The following PRKCH variants were observed in gnomAD, a reference collection of about 807,000 sequenced individuals.
The protein encoded by PRKCH is protein kinase C eta, also known as protein kinase C eta type.
Under a neutral mutation model 82.5 loss-of-function variants are expected in PRKCH, and 28 were observed. The ratio of observed to expected loss-of-function variants is 0.34; its 90% CI spans 0.25 to 0.47. PRKCH has a LOEUF of 0.47. Among genes scored for constraint, PRKCH ranks in the 20% least tolerant of loss-of-function variants. The probability of loss-of-function intolerance (pLI) is 1.00; values close to 1 mark genes in which losing one functional copy is unlikely to be tolerated. For missense variants in PRKCH, 705 were observed against 881.8 expected, an observed-to-expected ratio of 0.80 and a Z score of 2.54; for synonymous variants, 322 against 327.4, an observed-to-expected ratio of 0.98 and a Z score of 0.18.
intron 1 of PRKCH, among the ~76,000 whole-genome samples, chr14:61,352,247 T>G (rs2046086095): frequency 6.6e-6 from 1 of 152,192 alleles, no homozygotes; most frequent in Non-Finnish European, 1.5e-5. Flanking sequence ...TTTCTGTAGG[T>G]CTGCTTTTTG....
chr14:61,281,030 A>C, intron 1 of PRKCH: 1 of 1,532,668 alleles, frequency 6.5e-7, no homozygotes, highest in South Asian at 1.2e-5. Context: ...CCCGCGCAGA[A>C]GAAGAGCGGC....
chr14:61,293,576 AAC>A (rs1399243425), intron 1 of PRKCH, among the ~76,000 whole-genome samples: 1 of 152,260 alleles, frequency 6.6e-6, no homozygotes, highest in Non-Finnish European at 1.5e-5. Context: ...CAGTTCTCAG[AAC>A]ACCTGAAGAT....
intron 1 of PRKCH, among the ~76,000 whole-genome samples, chr14:61,268,093 A>G (rs988146105): frequency 6.6e-6 from 1 of 152,176 alleles, no homozygotes; most frequent in Non-Finnish European, 1.5e-5. Flanking sequence ...TTCAATGTCT[A>G]TGTTATTGTA....
intron 13 of PRKCH, among the ~76,000 whole-genome samples, chr14:61,548,252 TTTTTGTGCC>T (rs141269629): frequency 0.017 from 2,578 of 152,346 alleles, 69 homozygotes; most frequent in African/African-American, 0.058. Context: ...CTTGGGGCAC[TTTTTGTGCC>T]TTTTCTAAGC....
intron 1 of PRKCH, among the ~76,000 whole-genome samples, chr14:61,287,065 GTGTGGTGGCATGCACC>G (rs1389960916): frequency 6.6e-6 from 1 of 151,274 alleles, no homozygotes; most frequent in Non-Finnish European, 1.5e-5. Flanking sequence ...AATTAGCCAG[GTGTGGTGGCATGCACC>G]TGTGATCCCA....
At chr14:61,200,190 G>C (rs531458922) in intron 1 of PRKCH, among the ~76,000 whole-genome samples, 1 of 152,272 alleles carries the variant, frequency 6.6e-6, no homozygotes, top group East Asian at 1.9e-4. Context: ...GATGAAGAGA[G>C]AGGGAGAGAA....
chr14:61,189,616 T>C (rs973642182), intron 1 of PRKCH, among the ~76,000 whole-genome samples: 2 of 151,898 alleles, frequency 1.3e-5, no homozygotes, highest in Non-Finnish European at 2.9e-5. Context: ...CTTCCCTTCC[T>C]TTCTTCCTCC....
intron 10 of PRKCH, among the ~76,000 whole-genome samples, chr14:61,502,381 G>C (rs1318360848): frequency 1.3e-5 from 2 of 152,042 alleles, no homozygotes; most frequent in Non-Finnish European, 2.9e-5. Context: ...TTTATCAGAA[G>C]GGTCTATGGG....
chr14:61,499,638 A>G (rs2139947423), intron 10 of PRKCH, among the ~76,000 whole-genome samples: 1 of 152,196 alleles, frequency 6.6e-6, no homozygotes, highest in Non-Finnish European at 1.5e-5. Context: ...CCGCTGACAA[A>G]ATTCTAGAAT....
At chr14:61,231,895 A>G (rs1054559513) in intron 1 of PRKCH, among the ~76,000 whole-genome samples, 2 of 152,120 alleles carry the variant, frequency 1.3e-5, no homozygotes, top group African/African-American at 2.4e-5. Flanking sequence ...CAACACTGCT[A>G]ACACCAGCTG....
At position 61,457,545 on chromosome 14, in the gene PRKCH, G is replaced by A; in HGVS notation, c.1144G>A (p.Ala382Thr). The A allele has an allele frequency of 6.2e-7, 1 of 1,614,156 alleles. No homozygotes were observed. Among genetic ancestry groups the A allele is most frequent in the Non-Finnish European group, 8.5e-7 (1 of 1,180,024 alleles). Residue 382 changes from alanine (A) to threonine (T), a missense_variant, in exon 9 of 14, where the codon GCT becomes ACT. By Grantham distance (58) the Ala-to-Thr change is moderately conservative. Transcript: ENST00000332981. ...AGTAAAAGAAACAGGAGACCTCTAT[G>A]CTGTGAAGGTGCTGAAGAAGGACGT... ...ARVKETGDLYAVKVLKKDVIL... is the reference protein window; with the variant it reads ...ARVKETGDLYTVKVLKKDVIL...
At chr14:61,541,538 T>C (rs772138971) in intron 12 of PRKCH, among the ~76,000 whole-genome samples, 1 of 152,256 alleles carries the variant, frequency 6.6e-6, no homozygotes, top group Non-Finnish European at 1.5e-5. Context: ...TAACTCTCTC[T>C]CTGCCCTTTG....
intron 9 of PRKCH, among the ~76,000 whole-genome samples, chr14:61,466,868 TTTCCGTAAGAAACCAC>T (rs918567372): frequency 3.3e-5 from 5 of 152,280 alleles, no homozygotes; most frequent in Admixed American, 3.3e-4. Flanking sequence ...GGACCATAGC[TTTCCGTAAGAAACCAC>T]TTCTCAAATG....
At chr14:61,349,138 G>T (rs1237424477) in intron 1 of PRKCH, among the ~76,000 whole-genome samples, 1 of 152,160 alleles carries the variant, frequency 6.6e-6, no homozygotes, top group Non-Finnish European at 1.5e-5. Flanking sequence ...TGTTTATCTT[G>T]TTTCCTTTTG....
At chr14:61,231,994 T>C (rs905548152) in intron 1 of PRKCH, among the ~76,000 whole-genome samples, 3 of 152,184 alleles carry the variant, frequency 2.0e-5, no homozygotes, top group African/African-American at 7.2e-5. Flanking sequence ...ACTCTCTACC[T>C]GGACACAGCG....
At chr14:61,265,513 A>G (rs181379745) in intron 1 of PRKCH, among the ~76,000 whole-genome samples, 1 of 152,252 alleles carries the variant, frequency 6.6e-6, no homozygotes, top group Non-Finnish European at 1.5e-5. Context: ...CACTTTACAG[A>G]GGAGACACAG....
intron 1 of PRKCH, among the ~76,000 whole-genome samples, chr14:61,332,520 C>T (rs113343777): frequency 5.3e-4 from 81 of 152,306 alleles, no homozygotes; most frequent in Non-Finnish European, 1.0e-3. Context: ...TACCCTTGCA[C>T]GCCTTTGACC....
chr14:61,316,279 T>G lies in PRKCH; in HGVS notation c.-19+128611T>G, dbSNP rs527479475. ...GTCACATTTGACCTGGCTGTGTTATTCTCTAAATTCTCTAATTCTATTAAA... is the reference window on the plus strand; with the variant it reads ...GTCACATTTGACCTGGCTGTGTTATGCTCTAAATTCTCTAATTCTATTAAA... On this transcript the variant is annotated intron_variant, in intron 1 of 3. Transcript: ENST00000555185. Among the ~76,000 whole-genome samples, 3 of 152,300 alleles carry G rather than the reference T, an allele frequency of 2.0e-5. No homozygotes were observed. The South Asian group carries it at 6.2e-4, about 32-fold the overall frequency.
At chr14:61,485,959 G>A (rs996581301) in intron 10 of PRKCH, among the ~76,000 whole-genome samples, 1 of 152,012 alleles carries the variant, frequency 6.6e-6, no homozygotes, top group African/African-American at 2.4e-5. Flanking sequence ...TAGAGACAGG[G>A]GTCTTGCAAT....
Sources: gnomAD v4.1 joint callset for allele counts (sites outside exome capture counted in the v4.1 genomes callset) on GRCh38, gnomAD v4.1.1 for gene constraint, MANE v1.5 for transcripts, NCBI Gene and HGNC (gene_info 2026-07-23, HGNC 2026-07-21) for gene names.